VWDE: variants seen among roughly 807,000 people sequenced by gnomAD.
VWDE encodes von Willebrand factor D and EGF domain-containing protein.
VWDE carries 207 observed loss-of-function variants against 178.4 expected under a neutral mutation model. That is an observed-to-expected ratio of 1.16 (90% CI 1.04 to 1.30). The LOEUF is 1.30. VWDE is among the 50% of genes most tolerant of loss of function. The probability of loss-of-function intolerance (pLI) is 0.00; values close to 1 mark genes in which losing one functional copy is unlikely to be tolerated. For missense variants in VWDE, 2,287 were observed against 1,901.3 expected (o/e 1.20, Z -3.77); for synonymous variants, 738 against 651.4 (o/e 1.13, Z -2.02).
chr7:12,389,486 T>C (rs848015), intron 2 of VWDE, 128 bp from the exon 3 acceptor site: 396,275 of 677,684 alleles, frequency 0.58, 119,059 homozygotes, highest in African/African-American at 0.89. Flanking sequence ...TTATGGCTTG[T>C]ACCTGTTCTA....
intron 24 of VWDE, among the ~76,000 whole-genome samples, chr7:12,338,905 T>C (rs1437619104): frequency 6.6e-6 from 1 of 152,296 alleles, no homozygotes; most frequent in African/African-American, 2.4e-5. Flanking sequence ...ATAGTGCACA[T>C]AGTATATGTT....
chr7:12,345,246 T>C (rs772146728), intron 19 of VWDE, among the ~76,000 whole-genome samples: 2 of 152,120 alleles, frequency 1.3e-5, no homozygotes, highest in African/African-American at 4.8e-5. Flanking sequence ...GAGAATACAG[T>C]ATAAATGATC....
At position 12,395,656 on chromosome 7, in the gene VWDE, AT is replaced by A. The variant is rs570812159; in HGVS notation, c.59-1879del. The stretch of plus-strand genomic sequence containing the variant: ...TCTTATAAGATAATTTTAAATTCAT[AT>A]ATTTTATATCTATTATTTCATAACT... On this transcript the variant is annotated intron_variant, in intron 1 of 28. Transcript: ENST00000275358. Among the ~76,000 whole-genome samples the A allele has an allele frequency of 2.6e-5, 4 of 152,144 alleles. No individual in the cohort carries two copies. In the East Asian group the frequency reaches 7.7e-4, roughly 29 times the overall value.
intron 19 of VWDE, among the ~76,000 whole-genome samples, chr7:12,349,787 A>G (rs73296587): frequency 0.016 from 2,482 of 152,162 alleles, 62 homozygotes; most frequent in African/African-American, 0.056. Flanking sequence ...ATCAAAAACC[A>G]TAACAGTGGA....
intron 16 of VWDE, among the ~76,000 whole-genome samples, chr7:12,358,234 C>T (rs957275195): frequency 1.3e-5 from 2 of 151,934 alleles, no homozygotes; most frequent in Non-Finnish European, 2.9e-5. Flanking sequence ...AATTAGCAGG[C>T]ATGGTGGTGG....
In VWDE at chr7:12,393,795, G is replaced by C. The variant is rs1319936628; in HGVS notation, c.59-17C>G. On this transcript the variant is annotated splice_polypyrimidine_tract_variant and intron_variant, in intron 1 of 28. Transcript: ENST00000275358. ...ACTCCTGAGCTAGTATGGAAAGACA[G>C]GTGTTTTTATGTAATGTGTTTTGTT... The C allele has an allele frequency of 2.6e-6, 4 of 1,518,296 alleles. No homozygotes were observed. In the East Asian group the frequency reaches 9.9e-5, roughly 38 times the overall value. The allele number at this position is 1,518,296 out of a possible 1,614,324, so 94.1% of individuals were successfully genotyped here.
chr7:12,380,069 A>C (rs1783759680), intron 5 of VWDE, among the ~76,000 whole-genome samples: 1 of 151,522 alleles, frequency 6.6e-6, no homozygotes, highest in Admixed American at 6.6e-5. Flanking sequence ...GCGCCACTGC[A>C]CTCCAGCCTG....
chr7:12,403,619 G>C (rs1433900271), intron 1 of VWDE, 40 bp downstream of exon 1: 1 of 1,524,084 alleles, frequency 6.6e-7, no homozygotes, highest in Admixed American at 2.0e-5. Flanking sequence ...CCCACGCGGC[G>C]CCACTGCGCG....
intron 7 of VWDE, 65 bp downstream of exon 7, chr7:12,377,711 T>C: frequency 9.0e-7 from 1 of 1,115,958 alleles, no homozygotes; most frequent in Non-Finnish European, 1.2e-6. Context: ...TGACTTTTCC[T>C]ACAGGAAAAA....
rs572950976 is a variant in VWDE at position 12,344,519 on chromosome 7, A to T, written c.3887-50T>A. ...GGTTGATTGCTAAAACAGAACATAC[A>T]TATTGCTCAGAGACTTAGTTATGAT... On this transcript the variant is annotated intron_variant, in intron 19 of 28. Transcript: ENST00000275358. 11 of 1,405,314 alleles carry T rather than the reference A, an allele frequency of 7.8e-6. No individual in the cohort carries two copies. In the African/African-American group the frequency reaches 1.6e-4, roughly 20 times the overall value. 87.1% of individuals were successfully genotyped at this position (1,405,314 alleles called of 1,614,324 possible).
At chr7:12,349,078 C>T (rs970648896) in intron 19 of VWDE, among the ~76,000 whole-genome samples, 8 of 151,892 alleles carry the variant, frequency 5.3e-5, no homozygotes, top group African/African-American at 9.7e-5. Context: ...GCCTGTTGTG[C>T]GGTGCGGGGA....
intron 19 of VWDE, among the ~76,000 whole-genome samples, chr7:12,348,872 T>A (rs1227076142): frequency 2.6e-5 from 4 of 151,656 alleles, no homozygotes; most frequent in Admixed American, 2.6e-4. Flanking sequence ...GTGGCACATA[T>A]ACACCATGGA....
chr7:12,359,509 C>A, intron 16 of VWDE, 69 bp downstream of exon 16: 2 of 1,085,632 alleles, frequency 1.8e-6, no homozygotes, highest in Non-Finnish European at 1.3e-6. Context: ...ATTTACGTAA[C>A]TTCTGGCTGA....
chr7:12,367,541 G>A (rs918306160), intron 12 of VWDE, 48 bp from the exon 13 acceptor site: 117 of 1,328,250 alleles, frequency 8.8e-5, no homozygotes, highest in Admixed American at 3.3e-4. Context: ...CTTAATTTCA[G>A]AAAAAAAAAC....
intron 17 of VWDE, 30 bp from the exon 18 acceptor site, chr7:12,356,360 A>C: frequency 6.6e-7 from 1 of 1,520,480 alleles, no homozygotes; most frequent in Non-Finnish European, 8.9e-7. Context: ...GAAATGTCTT[A>C]TTTTTCAATA....
intron 10 of VWDE, among the ~76,000 whole-genome samples, chr7:12,371,654 A>C (rs976911726): frequency 6.6e-6 from 1 of 152,058 alleles, no homozygotes; most frequent in Non-Finnish European, 1.5e-5. Flanking sequence ...TTAAAAACAA[A>C]TTTTACTTTC....
chr7:12,370,550 T>TTAGG (rs1783127021), intron 11 of VWDE, 41 bp from the exon 12 acceptor site: 1 of 1,527,648 alleles, frequency 6.5e-7, no homozygotes, highest in East Asian at 2.5e-5. Context: ...ATTTTGTACA[T>TTAGG]AAACATTTGT....
Position 12,369,992 on chromosome 7 carries a change from G to T in VWDE, c.2314C>A (p.Leu772Met). 6.4e-7 allele frequency: 1 copy of T among 1,551,498 alleles called. No individual in the cohort carries two copies. The highest frequency in any genetic ancestry group is 8.7e-7 in the Non-Finnish European group (1 of 1,146,892). The change falls in exon 12 of 29, where the codon CTG becomes ATG. Residue 772 changes from leucine to methionine, a missense_variant. Physicochemically the swap from Leu to Met is conservative, Grantham distance 15. Transcript: ENST00000275358. The stretch of plus-strand genomic sequence containing the variant: ...GGGAAAAAATAAGTAAGTTCTTCCA[G>T]ATCCGTTTGGCTGAGACTCGGGAAA... ...FAFPSLSQTD[L>M]EELTYFFPED...
At chr7:12,338,908 T>G (rs1422566475) in intron 24 of VWDE, among the ~76,000 whole-genome samples, 1 of 152,278 alleles carries the variant, frequency 6.6e-6, no homozygotes, top group East Asian at 1.9e-4. Flanking sequence ...GTGCACATAG[T>G]ATATGTTTTT....
Sources: gnomAD v4.1 joint callset for allele counts (sites outside exome capture counted in the v4.1 genomes callset) on GRCh38, gnomAD v4.1.1 for gene constraint, MANE v1.5 for transcripts, NCBI Gene and HGNC (gene_info 2026-07-23, HGNC 2026-07-21) for gene names.